The following MAP3K13 variants were observed in gnomAD, a reference collection of about 807,000 sequenced individuals.
MAP3K13 encodes mitogen-activated protein kinase kinase kinase 13.
In MAP3K13, 52 loss-of-function variants were observed where a neutral mutation model predicts 104.0. That is an observed-to-expected ratio of 0.50 (90% CI 0.40 to 0.63). The LOEUF (loss-of-function observed/expected upper bound fraction) is 0.63. Among genes scored for constraint, MAP3K13 ranks in the 20% least tolerant of loss-of-function variants. The pLI, the probability that MAP3K13 is intolerant of heterozygous loss-of-function variation, is 0.00. For missense variants in MAP3K13, 914 were observed against 1,218.5 expected (o/e 0.75, Z 3.72); for synonymous variants, 394 against 442.2 (o/e 0.89, Z 1.37).
chr3:185,403,059 C>CA (rs2108779036), intron 1 of MAP3K13, among the ~76,000 whole-genome samples: 1 of 152,182 alleles, frequency 6.6e-6, no homozygotes, highest in African/African-American at 2.4e-5. Flanking sequence ...AAATAAAAGG[C>CA]AAAATGGAGA....
At chr3:185,405,057 A>G (rs569276503) in intron 1 of MAP3K13, among the ~76,000 whole-genome samples, 12 of 152,318 alleles carry the variant, frequency 7.9e-5, no homozygotes, top group Middle Eastern at 3.4e-3. Context: ...GCATTTCAGT[A>G]CATTGAATAT....
At chr3:185,331,593 T>C (rs1722284681) in intron 2 of MAP3K13, among the ~76,000 whole-genome samples, 1 of 152,156 alleles carries the variant, frequency 6.6e-6, no homozygotes, top group Non-Finnish European at 1.5e-5. Flanking sequence ...CCTAGGATAG[T>C]GCCTGCTTGA....
chr3:185,482,872 AC>A lies in MAP3K13; in HGVS notation c.*417del. On this transcript the variant is annotated 3_prime_UTR_variant, in exon 14 of 14. Coordinates refer to ENST00000265026, the MANE Select transcript of MAP3K13 (RefSeq NM_004721.5). The surrounding 1 kb of genome is among the most constrained non-coding windows in gnomAD (Gnocchi z 4.5). ...AAGAAATAAGTGGAATTTAAGAGCA[AC>A]ATCCTTGGGAATTTGTGGGGCCGGG... 1 of 234,840 alleles carries A rather than the reference AC, an allele frequency of 4.3e-6. No individual in the cohort carries two copies. Among genetic ancestry groups the A allele is most frequent in the Non-Finnish European group, 8.4e-6 (1 of 119,266 alleles). 14.5% of individuals were successfully genotyped at this position (234,840 alleles called of 1,614,324 possible).
Position 185,428,927 on chromosome 3 carries a change from A to G in MAP3K13, c.346A>G (p.Ile116Val), listed in dbSNP as rs1303005657. The G allele has an allele frequency of 1.2e-6, 2 of 1,614,202 alleles. No individual in the cohort carries two copies. Among genetic ancestry groups the G allele is most frequent in the South Asian group, 2.2e-5 (2 of 91,084 alleles). The change falls in exon 2 of 14, where the codon ATA becomes GTA. Residue 116 changes from isoleucine (I) to valine (V), a missense_variant. By Grantham distance (29) the Ile-to-Val change is conservative. Coordinates refer to ENST00000265026, the MANE Select transcript of MAP3K13 (RefSeq NM_004721.5). ...AGAGAGCACAAGCGGAACTGAAGAC[A>G]TAAAGATTCAGTTCAGCAGGTCAGG... The part of the protein sequence containing the change: ...DGESTSGTED[I>V]KIQFSRSGSG...
At chr3:185,311,603 C>A (rs761185219) in intron 2 of MAP3K13, among the ~76,000 whole-genome samples, 11 of 152,186 alleles carry the variant, frequency 7.2e-5, no homozygotes, top group Non-Finnish European at 1.3e-4. Flanking sequence ...GGGAGGTCCT[C>A]AGGCTCATCA....
intron 2 of MAP3K13, among the ~76,000 whole-genome samples, chr3:185,310,386 A>G (rs1378286954): frequency 6.6e-6 from 1 of 152,182 alleles, no homozygotes; most frequent in East Asian, 1.9e-4. Context: ...AAACACAACC[A>G]TTTTCAAGAG....
intron 1 of MAP3K13, among the ~76,000 whole-genome samples, chr3:185,403,677 A>C (rs145686575): frequency 6.6e-6 from 1 of 152,340 alleles, no homozygotes; most frequent in African/African-American, 2.4e-5. Flanking sequence ...AAAGCTGGAA[A>C]ACAAAAACAA....
At chr3:185,383,017 C>G (rs1438017877) in intron 1 of MAP3K13, among the ~76,000 whole-genome samples, 2 of 145,342 alleles carry the variant, frequency 1.4e-5, no homozygotes, top group African/African-American at 2.6e-5. Flanking sequence ...CCCCCTCCCC[C>G]CAACCCACAA....
chr3:185,395,353 A>ATTTATTTTTT, intron 1 of MAP3K13, among the ~76,000 whole-genome samples: 1 of 18,512 alleles, frequency 5.4e-5, no homozygotes, highest in Admixed American at 6.8e-4. Flanking sequence ...ATTCAATATT[A>ATTTATTTTTT]TTTCTTTTTT....
At chr3:185,480,098 C>G in intron 12 of MAP3K13, 134 bp from the exon 13 acceptor site, 1 of 795,936 alleles carries the variant, frequency 1.3e-6, no homozygotes, top group East Asian at 2.4e-5. Context: ...TAGTTTCTAC[C>G]TATCTTGATT....
chr3:185,428,847 A>G lies in MAP3K13; in HGVS notation c.266A>G (p.Glu89Gly). 6.2e-7 allele frequency: 1 copy of G among 1,614,166 alleles called. No individual in the cohort carries two copies. The highest frequency in any genetic ancestry group is 2.2e-5 in the East Asian group (1 of 44,874). The change falls in exon 2 of 14, where the codon GAA becomes GGA. Residue 89 changes from glutamate to glycine, a missense_variant. Glu to Gly is a moderately conservative substitution (Grantham distance 98). Around this residue, in one of 3 missense-constraint regions of MAP3K13, gnomAD observed 156 missense variants for 159.8 expected, o/e 0.98. Coordinates refer to ENST00000265026, the MANE Select transcript of MAP3K13 (RefSeq NM_004721.5). ...QFENSVLQLR[E>G]HDESETAVSQ... ...GAGAACAGCGTTCTTCAGCTAAGGG[A>G]ACACGATGAATCAGAGACGGCGGTG...
intron 1 of MAP3K13, among the ~76,000 whole-genome samples, chr3:185,377,387 G>A (rs896691126): frequency 3.3e-5 from 5 of 152,056 alleles, no homozygotes; most frequent in African/African-American, 1.2e-4. Flanking sequence ...TATACTTGTG[G>A]TTTAAGGTGG....
intron 2 of MAP3K13, among the ~76,000 whole-genome samples, chr3:185,347,297 T>C (rs183811001): frequency 2.7e-4 from 41 of 152,286 alleles, no homozygotes; most frequent in African/African-American, 9.9e-4. Flanking sequence ...GATTTGCTTT[T>C]ATATATTGGA....
At chr3:185,339,363 G>GAAATA in intron 2 of MAP3K13, among the ~76,000 whole-genome samples, 1 of 152,264 alleles carries the variant, frequency 6.6e-6, no homozygotes, top group East Asian at 1.9e-4. Flanking sequence ...GAAATGAAAT[G>GAAATA]AAATAAAATG....
intron 1 of MAP3K13, among the ~76,000 whole-genome samples, chr3:185,383,375 C>G (rs56796831): frequency 6.6e-6 from 1 of 151,700 alleles, no homozygotes; most frequent in African/African-American, 2.4e-5. Flanking sequence ...TGGGTATATA[C>G]CAGTAATGGG....
chr3:185,351,951 T>C (rs1189323479), intron 2 of MAP3K13, among the ~76,000 whole-genome samples: 1 of 152,216 alleles, frequency 6.6e-6, no homozygotes, highest in Non-Finnish European at 1.5e-5. Context: ...ATCATCTGCA[T>C]GGTACAAGTT....
rs547524630 is a variant in MAP3K13, at chr3:185,337,066, A to T, written c.-86+51423A>T. On this transcript the variant is annotated intron_variant, in intron 2 of 14. Coordinates refer to the MAP3K13 transcript ENST00000424227. Reference sequence around the variant, plus strand: ...GTAATTTAAAGACTAAATCTTTTTTAAAAAAAATTTTAAATAAAAATAGAG... The same window carrying T: ...GTAATTTAAAGACTAAATCTTTTTTTAAAAAAATTTTAAATAAAAATAGAG... Among the ~76,000 whole-genome samples the T allele has an allele frequency of 1.4e-3, 205 of 146,064 alleles. 1 individual carries two copies. The highest frequency in any genetic ancestry group is 0.014 in the Middle Eastern group (4 of 292).
At chr3:185,333,173 A>G (rs1352306736) in intron 2 of MAP3K13, among the ~76,000 whole-genome samples, 1 of 152,176 alleles carries the variant, frequency 6.6e-6, no homozygotes, top group Non-Finnish European at 1.5e-5. Flanking sequence ...TTCCAAATTT[A>G]TAAGCTAGTC....
At position 185,428,880 on chromosome 3, in the gene MAP3K13, G is replaced by A. The variant is rs2108802339; in HGVS notation, c.299G>A (p.Gly100Glu). The change falls in exon 2 of 14, where the codon GGG becomes GAG. Residue 100 changes from glycine (G) to glutamate (E), a missense_variant. This residue lies in a region of MAP3K13 where 156 missense variants were observed against 159.8 expected (regional missense o/e 0.98). Coordinates refer to ENST00000265026, the MANE Select transcript of MAP3K13 (RefSeq NM_004721.5). ...GAATCAGAGACGGCGGTGTCTCAGG[G>A]GAACAGCAACACGGTGGACGGAGAG... Reference protein sequence around the residue: ...HDESETAVSQGNSNTVDGEST... With the variant: ...HDESETAVSQENSNTVDGEST... The A allele has an allele frequency of 1.2e-6, 2 of 1,614,184 alleles. No individual in the cohort carries two copies. The highest frequency in any genetic ancestry group is 2.2e-5 in the South Asian group (2 of 91,078).
Sources: allele counts gnomAD v4.1 joint callset (sites outside exome capture counted in the v4.1 genomes callset), GRCh38; gene constraint gnomAD v4.1.1; regional missense constraint gnomAD v4.1.1; non-coding constraint Gnocchi (gnomAD v3.1); transcripts MANE v1.5; gene names NCBI Gene and HGNC (gene_info 2026-07-23, HGNC 2026-07-21).